Variants in RIMS1 observed in about 807,000 individuals in gnomAD.
RIMS1 encodes the protein regulating synaptic membrane exocytosis protein 1.
RIMS1 carries 83 observed loss-of-function variants against 214.1 expected under a neutral mutation model. The ratio of observed to expected loss-of-function variants is 0.39; its 90% CI spans 0.32 to 0.47. RIMS1 has a LOEUF of 0.47. Ranked by LOEUF, RIMS1 falls within the 20% of genes least tolerant of loss-of-function variation. The pLI is 0.99. For synonymous variants in RIMS1, 793 were observed against 786.8 expected (o/e 1.01, Z -0.13); for missense variants, 2,050 against 2,161.8 (o/e 0.95, Z 1.03).
At chr6:72,158,541 T>A (rs1270780536) in intron 4 of RIMS1, among the ~76,000 whole-genome samples, 2 of 136,748 alleles carry the variant, frequency 1.5e-5, no homozygotes, top group African/African-American at 5.0e-5. Flanking sequence ...GTATATCTCC[T>A]AATGCTATCC....
At chr6:72,354,115 G>A (rs971672473) in intron 29 of RIMS1, among the ~76,000 whole-genome samples, 1 of 152,180 alleles carries the variant, frequency 6.6e-6, no homozygotes, top group African/African-American at 2.4e-5. Context: ...AGCTACTAGG[G>A]AGACTGAGGC....
chr6:72,271,280 A>ATAT (rs1478585247), intron 22 of RIMS1, among the ~76,000 whole-genome samples: 5 of 60,420 alleles, frequency 8.3e-5, no homozygotes, highest in South Asian at 6.7e-4. Context: ...AAAAAAAAAA[A>ATAT]AAAAAAATAT....
intron 2 of RIMS1, among the ~76,000 whole-genome samples, chr6:72,083,210 C>A (rs1186373598): frequency 6.6e-6 from 1 of 152,128 alleles, no homozygotes; most frequent in Non-Finnish European, 1.5e-5. Flanking sequence ...ATCATTCATT[C>A]ACCAAGTATT....
intron 4 of RIMS1, among the ~76,000 whole-genome samples, chr6:72,139,541 C>T (rs1425140266): frequency 1.3e-5 from 2 of 152,094 alleles, no homozygotes; most frequent in Non-Finnish European, 2.9e-5. Context: ...TGCTTCTTCC[C>T]ACTAGATTAT....
intron 31 of RIMS1, among the ~76,000 whole-genome samples, chr6:72,396,182 A>G (rs2098774121): frequency 6.6e-6 from 1 of 152,148 alleles, no homozygotes; most frequent in Non-Finnish European, 1.5e-5. Context: ...TATCCAAAAA[A>G]ATGTTTGATA....
At chr6:72,140,649 C>T (rs958887948) in intron 4 of RIMS1, among the ~76,000 whole-genome samples, 1 of 151,886 alleles carries the variant, frequency 6.6e-6, no homozygotes, top group Non-Finnish European at 1.5e-5. Flanking sequence ...AAAGCAGAGC[C>T]CTGTTATGTG....
intron 2 of RIMS1, among the ~76,000 whole-genome samples, chr6:71,992,580 T>TCTTCTCCTTCTCCTCCTC (rs1215054691): frequency 3.4e-5 from 5 of 147,324 alleles, no homozygotes; most frequent in African/African-American, 1.3e-4. Context: ...TTCTTCTTCC[T>TCTTCTCCTTCTCCTCCTC]CTTCTCCTTC....
At chr6:72,338,699 A>G (rs576510401) in intron 29 of RIMS1, among the ~76,000 whole-genome samples, 1 of 152,004 alleles carries the variant, frequency 6.6e-6, no homozygotes, top group South Asian at 2.1e-4. Flanking sequence ...TATGCAGCCA[A>G]AACACACAAG....
rs139748556 is a variant in RIMS1 at position 72,006,824 on chromosome 6, G to A, written c.245+37761G>A. Among the ~76,000 whole-genome samples the A allele has an allele frequency of 7.3e-4, 111 of 152,314 alleles. 1 individual carries two copies. The highest frequency in any genetic ancestry group is 2.4e-3 in the African/African-American group (100 of 41,580). On this transcript the variant is annotated intron_variant, in intron 2 of 33. Transcript: ENST00000521978. ...GTTTGAGTAGGTAAACAAAGCGGCCGGGAAGCTCGAACTTGGTGGAGCCCA... is the reference window on the plus strand; with the variant it reads ...GTTTGAGTAGGTAAACAAAGCGGCCAGGAAGCTCGAACTTGGTGGAGCCCA...
chr6:72,155,473 C>G lies in RIMS1; in HGVS notation c.472-24102C>G, dbSNP rs567025935. On this transcript the variant is annotated intron_variant, in intron 4 of 33. Transcript: ENST00000521978. ...TTTCAGCAACACCCCATTCTCGTTA[C>G]CAATATACTGTATTAGTCCATTTTC... Among the ~76,000 whole-genome samples, 27 of 140,434 alleles carry G rather than the reference C, an allele frequency of 1.9e-4. 2 individuals are homozygous for G. The highest frequency in any genetic ancestry group is 6.4e-4 in the African/African-American group (26 of 40,646). The allele number at this position is 140,434 out of a possible 152,430, so 92.1% of individuals were successfully genotyped here. A position where few individuals can be genotyped will look rare whatever the true frequency, so the allele number is the denominator to read the frequency against.
chr6:72,240,628 T>C (rs1368742855), intron 9 of RIMS1, among the ~76,000 whole-genome samples: 1 of 129,318 alleles, frequency 7.7e-6, no homozygotes, highest in Non-Finnish European at 1.6e-5. Flanking sequence ...TATTTCTTTT[T>C]TCTTTTTTTT....
intron 9 of RIMS1, 112 bp downstream of exon 9, chr6:72,238,034 T>C (rs2065015744): frequency 3.5e-6 from 2 of 568,360 alleles, no homozygotes; most frequent in Non-Finnish European, 3.1e-6. Flanking sequence ...TACATGTATG[T>C]ATGTATATAT....
intron 23 of RIMS1, among the ~76,000 whole-genome samples, chr6:72,278,169 ATCTATCTATC>A (rs1397825334): frequency 6.6e-6 from 1 of 151,778 alleles, no homozygotes; most frequent in Non-Finnish European, 1.5e-5. Flanking sequence ...CTATCTATCT[ATCTATCTATC>A]TATCTATCTA....
At chr6:72,124,685 C>G (rs1025788471) in intron 4 of RIMS1, among the ~76,000 whole-genome samples, 1 of 147,402 alleles carries the variant, frequency 6.8e-6, no homozygotes, top group Non-Finnish European at 1.5e-5. Context: ...TCTTTTTACT[C>G]TTTTTTCTCC....
At chr6:72,237,296 A>T (rs1048425673) in intron 8 of RIMS1, among the ~76,000 whole-genome samples, 5 of 151,880 alleles carry the variant, frequency 3.3e-5, no homozygotes, top group Non-Finnish European at 7.4e-5. Context: ...AAAGAAAGAA[A>T]TCAGTACACA....
chr6:72,231,820 G>A (rs1405703640), intron 6 of RIMS1, among the ~76,000 whole-genome samples: 1 of 151,470 alleles, frequency 6.6e-6, no homozygotes, highest in East Asian at 1.9e-4. Context: ...GAATATTCAC[G>A]AATATATGTA....
At chr6:72,007,904 A>G (rs147986321) in intron 2 of RIMS1, among the ~76,000 whole-genome samples, 26 of 152,326 alleles carry the variant, frequency 1.7e-4, no homozygotes, top group African/African-American at 6.0e-4. Flanking sequence ...ACTCTGCAGG[A>G]TGTTATCCAG....
intron 29 of RIMS1, among the ~76,000 whole-genome samples, chr6:72,388,777 G>A (rs2098655790): frequency 6.6e-6 from 1 of 152,166 alleles, no homozygotes; most frequent in South Asian, 2.1e-4. Flanking sequence ...AAGGATTTAG[G>A]CCTTATCACC....
chr6:72,190,069 A>G (rs1413327615), intron 6 of RIMS1, among the ~76,000 whole-genome samples: 1 of 152,146 alleles, frequency 6.6e-6, no homozygotes, highest in Non-Finnish European at 1.5e-5. Context: ...ACATCTGGCC[A>G]TTTCTCCTTC....
Sources: gnomAD v4.1 joint callset for allele counts (sites outside exome capture counted in the v4.1 genomes callset) on GRCh38, gnomAD v4.1.1 for gene constraint, MANE v1.5 for transcripts, NCBI Gene and HGNC (gene_info 2026-07-23, HGNC 2026-07-21) for gene names.